Variants in TRPC4 observed in about 807,000 individuals in gnomAD.
The protein encoded by TRPC4 is transient receptor potential cation channel subfamily C member 4.
TRPC4 carries 49 observed loss-of-function variants against 99.4 expected under a neutral mutation model. The observed-to-expected ratio is 0.49, with a 90% CI of 0.39 to 0.63. TRPC4 has a LOEUF of 0.63. TRPC4 is among the 20% of genes least tolerant of loss of function. TRPC4 has a pLI of 0.00. For missense variants in TRPC4, 898 were observed against 1,152.9 expected (o/e 0.78, Z 3.20); for synonymous variants, 454 against 425.9 (o/e 1.07, Z -0.81).
rs147399086 is a variant in TRPC4, at chr13:37,637,169, C to T, written c.2668G>A (p.Gly890Arg). The change falls in exon 11 of 11, where the codon GGA (glycine) becomes AGA (arginine). Residue 890 changes from glycine to arginine, a missense_variant. Coordinates refer to ENST00000379705, the MANE Select transcript of TRPC4 (RefSeq NM_016179.4). ...CTCAGGTCACCCCGTGAAGCTAATC[C>T]TCGAGATTCCAGTTGAATATTTCTC... is the stretch of plus-strand genomic sequence containing the variant. ...LERNIQLESR[G>R]LASRGDLSIP... 6.2e-7 allele frequency: 1 copy of T among 1,613,706 alleles called. No homozygotes were observed. Among genetic ancestry groups the T allele is most frequent in the Non-Finnish European group, 8.5e-7 (1 of 1,179,864 alleles).
intron 4 of TRPC4, among the ~76,000 whole-genome samples, chr13:37,683,148 T>C (rs1383232650): frequency 6.6e-6 from 1 of 151,836 alleles, no homozygotes; most frequent in Non-Finnish European, 1.5e-5. Context: ...CCTCCCTAAG[T>C]CAAGTCTAAG....
intron 1 of TRPC4, among the ~76,000 whole-genome samples, chr13:37,830,828 T>C (rs949209449): frequency 3.4e-5 from 5 of 148,234 alleles, no homozygotes; most frequent in African/African-American, 9.8e-5. Flanking sequence ...TATAATATAA[T>C]AGTATAAAGT....
intron 1 of TRPC4, among the ~76,000 whole-genome samples, chr13:37,801,146 G>A (rs549644848): frequency 4.3e-4 from 65 of 152,132 alleles, no homozygotes; most frequent in African/African-American, 1.5e-3. Flanking sequence ...TCCAAAATGT[G>A]AACATATTTT....
rs557542591 is a variant in TRPC4 at position 37,666,282 on chromosome 13, T to C, written c.1375-2553A>G. 5.3e-5 allele frequency among the ~76,000 whole-genome samples: 8 copies of C among 152,264 alleles called. No homozygotes were observed. The South Asian group carries it at 1.7e-3, about 32-fold the overall frequency. On this transcript the variant is annotated intron_variant, in intron 5 of 10. Coordinates refer to ENST00000379705, the MANE Select transcript of TRPC4 (RefSeq NM_016179.4). ...CTGAGACACATATTTTCCAAGCTCC[T>C]CTCCTGTGGTACAAACCCCTGTATA... is the stretch of plus-strand genomic sequence containing the variant.
At chr13:37,750,597 TGAAATGAATTC>T (rs1441704669) in intron 2 of TRPC4, among the ~76,000 whole-genome samples, 3 of 152,156 alleles carry the variant, frequency 2.0e-5, no homozygotes, top group Non-Finnish European at 4.4e-5. Flanking sequence ...CTGACTTTCC[TGAAATGAATTC>T]CACGTGGTCA....
intron 2 of TRPC4, among the ~76,000 whole-genome samples, chr13:37,753,147 T>C (rs1269319455): frequency 6.6e-6 from 1 of 152,074 alleles, no homozygotes; most frequent in Non-Finnish European, 1.5e-5. Context: ...ATATTTACAC[T>C]GGTTGGAACT....
chr13:37,737,549 T>C (rs922144749), intron 3 of TRPC4, among the ~76,000 whole-genome samples: 2 of 152,150 alleles, frequency 1.3e-5, no homozygotes, highest in African/African-American at 2.4e-5. Flanking sequence ...CTTGGCTCAC[T>C]GCAGCCTCAA....
intron 1 of TRPC4, among the ~76,000 whole-genome samples, chr13:37,815,348 C>A (rs1009437935): frequency 6.6e-6 from 1 of 151,856 alleles, no homozygotes; most frequent in South Asian, 2.1e-4. Context: ...AAGAAAGACC[C>A]AGCTGTATGC....
At chr13:37,721,956 C>T (rs1345087058) in intron 3 of TRPC4, among the ~76,000 whole-genome samples, 1 of 151,970 alleles carries the variant, frequency 6.6e-6, no homozygotes, top group Admixed American at 6.6e-5. Context: ...ATTCATCCCT[C>T]CTCAGGCACA....
chr13:37,809,311 C>CT (rs1957612304), intron 1 of TRPC4, among the ~76,000 whole-genome samples: 1 of 151,940 alleles, frequency 6.6e-6, no homozygotes, highest in Non-Finnish European at 1.5e-5. Context: ...AAATAGAAAA[C>CT]TTTCTTTCCC....
chr13:37,691,924 A>C, intron 4 of TRPC4, 75 bp downstream of exon 4: 5 of 1,382,548 alleles, frequency 3.6e-6, no homozygotes, highest in Non-Finnish European at 5.0e-6. Flanking sequence ...CCAAACATTA[A>C]TGAATATTTT....
rs1176091364 is a variant in TRPC4 at position 37,824,712 on chromosome 13, G to A, written c.-27-41352C>T. Among the ~76,000 whole-genome samples the A allele has an allele frequency of 1.1e-4, 17 of 152,216 alleles. No individual in the cohort carries two copies. The East Asian group carries it at 1.2e-3, about 10-fold the overall frequency. On this transcript the variant is annotated intron_variant, in intron 1 of 10. Coordinates refer to ENST00000379705, the MANE Select transcript of TRPC4 (RefSeq NM_016179.4). The stretch of plus-strand genomic sequence containing the variant: ...GAGGATTTTTGCATCAATGTTCATC[G>A]AGGATATTGGTCTAAAATTCTCTTT...
intron 1 of TRPC4, among the ~76,000 whole-genome samples, chr13:37,855,334 G>A (rs1593325906): frequency 8.8e-6 from 1 of 114,082 alleles, no homozygotes; most frequent in Admixed American, 8.4e-5. Flanking sequence ...TATATACAAT[G>A]TAGATATATA....
At chr13:37,679,614 G>C (rs555158244) in intron 4 of TRPC4, among the ~76,000 whole-genome samples, 2 of 152,140 alleles carry the variant, frequency 1.3e-5, no homozygotes, top group African/African-American at 4.8e-5. Context: ...ACTCACATGA[G>C]AGCTGATTTC....
At chr13:37,770,699 G>A (rs57460722) in intron 2 of TRPC4, among the ~76,000 whole-genome samples, 15,164 of 151,480 alleles carry the variant, frequency 0.1, 1,114 homozygotes, top group African/African-American at 0.21. Flanking sequence ...ATATGAATTA[G>A]CAACATTTAA....
At chr13:37,777,590 TC>T (rs34429591) in intron 2 of TRPC4, among the ~76,000 whole-genome samples, 20,219 of 151,866 alleles carry the variant, frequency 0.13, 1,462 homozygotes, top group Admixed American at 0.18. Context: ...GTGGCATTTT[TC>T]AAATGAAAAA....
At chr13:37,843,944 G>A (rs1196125936) in intron 1 of TRPC4, among the ~76,000 whole-genome samples, 1 of 152,084 alleles carries the variant, frequency 6.6e-6, no homozygotes, top group Non-Finnish European at 1.5e-5. Flanking sequence ...CCTTGATTGT[G>A]CCACCCCTCT....
At chr13:37,649,665 C>T (rs1379633123) in intron 8 of TRPC4, among the ~76,000 whole-genome samples, 13 of 129,060 alleles carry the variant, frequency 1.0e-4, no homozygotes, top group African/African-American at 3.2e-4. Context: ...ACCCGGAAGG[C>T]GGAGCTTGCA....
chr13:37,714,139 T>C (rs942935574), intron 3 of TRPC4, among the ~76,000 whole-genome samples: 2 of 151,802 alleles, frequency 1.3e-5, no homozygotes, highest in Non-Finnish European at 2.9e-5. Flanking sequence ...CTTTCTTTTC[T>C]CTCTCTTTTT....
Sources: gnomAD v4.1 joint callset for allele counts (sites outside exome capture counted in the v4.1 genomes callset) on GRCh38, gnomAD v4.1.1 for gene constraint, MANE v1.5 for transcripts, NCBI Gene and HGNC (gene_info 2026-07-23, HGNC 2026-07-21) for gene names.